GPC5: variants seen among roughly 807,000 people sequenced by gnomAD.
The protein encoded by GPC5 is glypican-5.
GPC5 carries 47 observed loss-of-function variants against 53.9 expected under a neutral mutation model. The observed-to-expected ratio is 0.87, with a 90% CI of 0.69 to 1.11. The LOEUF is 1.11. Among genes scored for constraint, GPC5 ranks in the 50% most tolerant of loss-of-function variants. The probability of loss-of-function intolerance (pLI) is 0.00; values close to 1 mark genes in which losing one functional copy is unlikely to be tolerated. For synonymous variants in GPC5, 286 were observed against 263.3 expected (o/e 1.09, Z -0.84); for missense variants, 748 against 713.1 (o/e 1.05, Z -0.56).
intron 5 of GPC5, among the ~76,000 whole-genome samples, chr13:91,900,792 G>A (rs1001834697): frequency 6.6e-6 from 1 of 152,038 alleles, no homozygotes; most frequent in Admixed American, 6.6e-5. Context: ...TGAAATGACA[G>A]CTTCCAAAAC....
At chr13:91,813,129 G>T (rs1363961275) in intron 5 of GPC5, among the ~76,000 whole-genome samples, 2 of 152,124 alleles carry the variant, frequency 1.3e-5, no homozygotes, top group South Asian at 4.1e-4. Context: ...GTTTATAAAG[G>T]TTTCTTTTGA....
chr13:92,008,711 T>A (rs937929223), intron 6 of GPC5, among the ~76,000 whole-genome samples: 1 of 152,098 alleles, frequency 6.6e-6, no homozygotes, highest in African/African-American at 2.4e-5. Flanking sequence ...AATCTGTGAG[T>A]TTTTCGTTTT....
At chr13:91,459,502 G>A (rs1484393807) in intron 2 of GPC5, among the ~76,000 whole-genome samples, 1 of 126,122 alleles carries the variant, frequency 7.9e-6, no homozygotes, top group Non-Finnish European at 1.7e-5. Flanking sequence ...CCTGATAATG[G>A]TAAAATATAT....
chr13:92,752,006 G>T (rs912289837), intron 7 of GPC5, among the ~76,000 whole-genome samples: 1 of 151,452 alleles, frequency 6.6e-6, no homozygotes. Context: ...GAATATAATA[G>T]TATCTGTTTT....
chr13:92,244,432 T>C (rs996381808), intron 7 of GPC5, among the ~76,000 whole-genome samples: 2 of 152,174 alleles, frequency 1.3e-5, no homozygotes, highest in African/African-American at 4.8e-5. Context: ...TTTTAAATAT[T>C]TAAATAGCAT....
intron 1 of GPC5, among the ~76,000 whole-genome samples, chr13:91,437,509 T>G (rs1476722742): frequency 8.5e-5 from 13 of 152,240 alleles, no homozygotes; most frequent in Admixed American, 2.0e-4. Flanking sequence ...ATGTTGAATA[T>G]TGGCCCCCAC....
chr13:92,371,693 C>T (rs1468641303), intron 7 of GPC5, among the ~76,000 whole-genome samples: 1 of 152,090 alleles, frequency 6.6e-6, no homozygotes, highest in African/African-American at 2.4e-5. Context: ...CTTATAAAAC[C>T]TTCAGATCTG....
At chr13:91,678,806 A>G (rs1407909425) in intron 2 of GPC5, among the ~76,000 whole-genome samples, 2 of 151,720 alleles carry the variant, frequency 1.3e-5, no homozygotes, top group Admixed American at 6.6e-5. Flanking sequence ...GTAAGTTATC[A>G]TTATGTAATT....
At chr13:91,852,048 C>T (rs886224072) in intron 5 of GPC5, among the ~76,000 whole-genome samples, 3 of 151,358 alleles carry the variant, frequency 2.0e-5, no homozygotes, top group South Asian at 2.1e-4. Context: ...ATGGTATTTC[C>T]AGTTCTAGAT....
At chr13:92,376,909 G>A (rs188186231) in intron 7 of GPC5, among the ~76,000 whole-genome samples, 8 of 152,146 alleles carry the variant, frequency 5.3e-5, no homozygotes, top group Admixed American at 3.9e-4. Context: ...CCAGCTATTT[G>A]GGAGGCTGAG....
At chr13:91,883,516 T>G (rs537271453) in intron 5 of GPC5, among the ~76,000 whole-genome samples, 1 of 152,332 alleles carries the variant, frequency 6.6e-6, no homozygotes, top group South Asian at 2.1e-4. Flanking sequence ...GGAAGAATCA[T>G]GCTCTGCTGA....
intron 7 of GPC5, among the ~76,000 whole-genome samples, chr13:92,359,651 G>T (rs2043550063): frequency 6.6e-6 from 1 of 151,688 alleles, no homozygotes; most frequent in African/African-American, 2.4e-5. Flanking sequence ...GGCTGGGGAG[G>T]CACTGGGAAA....
intron 2 of GPC5, among the ~76,000 whole-genome samples, chr13:91,661,383 G>A (rs1482469491): frequency 6.6e-6 from 1 of 152,204 alleles, no homozygotes; most frequent in Non-Finnish European, 1.5e-5. Flanking sequence ...AGGAGAAGAT[G>A]CCCCTGGGCA....
At chr13:92,857,979 G>A (rs1177334348) in intron 7 of GPC5, among the ~76,000 whole-genome samples, 8 of 152,104 alleles carry the variant, frequency 5.3e-5, no homozygotes, top group Non-Finnish European at 2.9e-5. Context: ...TATACCCAAA[G>A]GAAAAGAAAT....
At chr13:92,252,922 A>G (rs9523556) in intron 7 of GPC5, among the ~76,000 whole-genome samples, 98,077 of 151,924 alleles carry the variant, frequency 0.65, 32,695 homozygotes, top group African/African-American at 0.81. Context: ...TTAGCTTAAG[A>G]GTCTAACATA....
chr13:92,426,051 A>G (rs766612157), intron 7 of GPC5, among the ~76,000 whole-genome samples: 7 of 152,110 alleles, frequency 4.6e-5, no homozygotes, highest in Non-Finnish European at 1.0e-4. Flanking sequence ...AAACAATACA[A>G]CACCGAACAC....
chr13:92,321,749 C>T (rs1214914970), intron 7 of GPC5, among the ~76,000 whole-genome samples: 1 of 152,100 alleles, frequency 6.6e-6, no homozygotes, highest in Admixed American at 6.6e-5. Context: ...GATTATGCTG[C>T]TAAATTTCTT....
chr13:91,436,650 G>C (rs989506677), intron 1 of GPC5, among the ~76,000 whole-genome samples: 1 of 152,184 alleles, frequency 6.6e-6, no homozygotes, highest in Admixed American at 6.5e-5. Context: ...GTGCTGAGAA[G>C]AATGTATATT....
At chr13:92,705,472 AC>A (rs1332005095) in intron 7 of GPC5, among the ~76,000 whole-genome samples, 2 of 152,176 alleles carry the variant, frequency 1.3e-5, no homozygotes, top group African/African-American at 4.8e-5. Context: ...ATTGAGATAT[AC>A]TGTAAGTGTA....
Sources: allele counts gnomAD v4.1 joint callset (sites outside exome capture counted in the v4.1 genomes callset), GRCh38; gene constraint gnomAD v4.1.1; transcripts MANE v1.5; gene names NCBI Gene and HGNC (gene_info 2026-07-23, HGNC 2026-07-21).